FNDC3A: variants seen among roughly 807,000 people sequenced by gnomAD.
FNDC3A encodes fibronectin type III domain containing 3A, also known as fibronectin type-III domain-containing protein 3A.
A neutral mutation model predicts 148.9 loss-of-function variants in FNDC3A; 32 were observed. That is an observed-to-expected ratio of 0.21 (90% confidence interval 0.16 to 0.29). The LOEUF is 0.29. FNDC3A is among the 10% of genes least tolerant of loss of function. The pLI, the probability that FNDC3A is intolerant of heterozygous loss-of-function variation, is 1.00. For missense variants in FNDC3A, 1,191 were observed against 1,452.8 expected (o/e 0.82, Z 2.93); for synonymous variants, 472 against 473.6 (o/e 1.00, Z 0.04).
chr13:49,076,309 A>G (rs1233288033), intron 3 of FNDC3A, among the ~76,000 whole-genome samples: 1 of 151,920 alleles, frequency 6.6e-6, no homozygotes, highest in African/African-American at 2.4e-5. Context: ...CAGTGGCTCA[A>G]TCTTAGCTCA....
At chr13:49,008,074 G>T (rs557465407) in intron 2 of FNDC3A, among the ~76,000 whole-genome samples, 15 of 152,264 alleles carry the variant, frequency 9.9e-5, no homozygotes, top group Non-Finnish European at 1.9e-4. Flanking sequence ...AAATGAGCCT[G>T]AAGGAACTCA....
At chr13:49,036,821 T>A (rs1460837136) in intron 2 of FNDC3A, among the ~76,000 whole-genome samples, 1 of 152,224 alleles carries the variant, frequency 6.6e-6, no homozygotes, top group Non-Finnish European at 1.5e-5. Flanking sequence ...GAAGAAATTC[T>A]ATGTTCACAG....
chr13:49,060,795 A>G (rs947043194), intron 2 of FNDC3A, among the ~76,000 whole-genome samples: 4 of 152,126 alleles, frequency 2.6e-5, no homozygotes, highest in African/African-American at 4.8e-5. Context: ...AGGTAAATAC[A>G]TAGAGATAGA....
At chr13:49,166,143 T>C (rs116024755) in intron 8 of FNDC3A, among the ~76,000 whole-genome samples, 2,852 of 152,246 alleles carry the variant, frequency 0.019, 93 homozygotes, top group African/African-American at 0.064. Context: ...GCAGACCTGC[T>C]ATTAGGGAGG....
intron 8 of FNDC3A, among the ~76,000 whole-genome samples, chr13:49,160,845 A>G (rs556688958): frequency 1.3e-5 from 2 of 151,944 alleles, no homozygotes; most frequent in African/African-American, 4.8e-5. Context: ...GTTTCAAAAA[A>G]CATCTTTATT....
At chr13:49,160,012 C>T (rs1470411184) in intron 8 of FNDC3A, among the ~76,000 whole-genome samples, 4 of 152,142 alleles carry the variant, frequency 2.6e-5, no homozygotes, top group Admixed American at 6.5e-5. Flanking sequence ...CTGCTGGATT[C>T]GGTTTGCCAG....
At chr13:49,048,894 A>G (rs1420354093) in intron 2 of FNDC3A, among the ~76,000 whole-genome samples, 1 of 152,092 alleles carries the variant, frequency 6.6e-6, no homozygotes, top group Non-Finnish European at 1.5e-5. Context: ...GTCTCGTTCC[A>G]GTTCTCAGGG....
intron 2 of FNDC3A, among the ~76,000 whole-genome samples, chr13:49,056,405 G>T (rs1242376239): frequency 6.6e-6 from 1 of 152,036 alleles, no homozygotes; most frequent in African/African-American, 2.4e-5. Flanking sequence ...TGTTTTTGGT[G>T]TTGTACTATA....
chr13:49,199,403 C>T (rs1023514054), intron 23 of FNDC3A, among the ~76,000 whole-genome samples: 1 of 150,774 alleles, frequency 6.6e-6, no homozygotes, highest in Admixed American at 6.6e-5. Flanking sequence ...TCTCGGCTCA[C>T]TGCAATCTCC....
Position 49,201,840 on chromosome 13 carries a change from G to C in FNDC3A, c.3028G>C (p.Val1010Leu). ...CAGAGGACCATGTCATACATACAAAGTACAAAGACTTAATGAGTCAACATC... is the reference window on the plus strand; with the variant it reads ...CAGAGGACCATGTCATACATACAAACTACAAAGACTTAATGAGTCAACATC... ...LYRGPCHTYK[V>L]QRLNESTSYK... Residue 1010 changes from valine (V) to leucine (L), a missense_variant, in exon 24 of 26, where the codon GTA becomes CTA. Physicochemically the swap from Val to Leu is conservative, Grantham distance 32. Transcript: ENST00000492622. The C allele has an allele frequency of 6.3e-7, 1 of 1,582,706 alleles. No homozygotes were observed. The highest frequency in any genetic ancestry group is 8.6e-7 in the Non-Finnish European group (1 of 1,162,420).
chr13:49,025,792 A>T (rs955569386), intron 2 of FNDC3A, among the ~76,000 whole-genome samples: 1 of 152,206 alleles, frequency 6.6e-6, no homozygotes, highest in Non-Finnish European at 1.5e-5. Flanking sequence ...GGAACCTGAC[A>T]GTATAGTAAG....
rs752788136 is a variant in FNDC3A, at chr13:49,114,704, C to G, written c.225C>G (p.Ile75Met). 4.1e-5 allele frequency: 66 copies of G among 1,612,354 alleles called. No individual in the cohort carries two copies. The highest frequency in any genetic ancestry group is 5.3e-5 in the Non-Finnish European group (62 of 1,178,578). The change falls in exon 4 of 26, where the codon ATC (isoleucine) becomes ATG (methionine). Residue 75 changes from isoleucine (I) to methionine (M), a missense_variant. Around this residue, in one of 3 missense-constraint regions of FNDC3A, gnomAD observed 426 missense variants for 473.2 expected, o/e 0.90. Coordinates refer to ENST00000492622, the MANE Select transcript of FNDC3A (RefSeq NM_001079673.2). Reference sequence around the variant, plus strand: ...CCCCAAATGGTTCTGTGCCTCCTATCTATGTGCCTCCTGGATATGCCCCAC... The same window carrying G: ...CCCCAAATGGTTCTGTGCCTCCTATGTATGTGCCTCCTGGATATGCCCCAC... ...MMSPNGSVPP[I>M]YVPPGYAPQV...
In FNDC3A at chr13:49,098,366, G is replaced by A. The variant is rs1301664261; in HGVS notation, c.176-16289G>A. Reference sequence around the variant, plus strand: ...CACTGCCGTGTGATGTCAAAGTGTGGGTGTTCAGTTATTGAGGCATAGTTA... The same window carrying A: ...CACTGCCGTGTGATGTCAAAGTGTGAGTGTTCAGTTATTGAGGCATAGTTA... On this transcript the variant is annotated intron_variant, in intron 3 of 25. Transcript: ENST00000492622. Among the ~76,000 whole-genome samples the A allele has an allele frequency of 7.2e-5, 11 of 152,000 alleles. No homozygotes were observed. In the South Asian group the frequency reaches 1.9e-3, roughly 26 times the overall value.
Position 49,152,115 on chromosome 13 carries a change from T to C in FNDC3A, c.977+6180T>C, listed in dbSNP as rs941546369. On this transcript the variant is annotated intron_variant, in intron 8 of 25. Coordinates refer to ENST00000492622, the MANE Select transcript of FNDC3A (RefSeq NM_001079673.2). ...CCAGTATTGGGCTTGCTGGGTGAAA[T>C]GGTATTTCTAGTTCTAGATCCTTGA... Among the ~76,000 whole-genome samples the C allele has an allele frequency of 3.3e-5, 5 of 152,284 alleles. No homozygotes were observed. In the East Asian group the frequency reaches 5.8e-4, roughly 18 times the overall value.
chr13:49,197,809 G>A lies in FNDC3A; in HGVS notation c.2425G>A (p.Gly809Arg). ...AGGAAGTATGCAGATATGTTACTGT[G>A]GGCCTGGTCTCAGTTATGAAATAAA... is the stretch of plus-strand genomic sequence containing the variant. ...VEGSMQICYC[G>R]PGLSYEIKGL... The change falls in exon 21 of 26, where the codon GGG (glycine) becomes AGG (arginine). Residue 809 changes from glycine to arginine, a missense_variant. By Grantham distance (125) the Gly-to-Arg change is moderately radical. Transcript: ENST00000492622. The A allele has an allele frequency of 6.2e-7, 1 of 1,610,716 alleles. No homozygotes were observed. The highest frequency in any genetic ancestry group is 2.2e-5 in the East Asian group (1 of 44,862).
At chr13:49,017,936 C>G (rs1276710032) in intron 2 of FNDC3A, among the ~76,000 whole-genome samples, 1 of 152,196 alleles carries the variant, frequency 6.6e-6, no homozygotes, top group Non-Finnish European at 1.5e-5. Context: ...GGCCCCTACT[C>G]TCTTCTGGCT....
chr13:49,129,235 G>A (rs1369475836), intron 4 of FNDC3A, among the ~76,000 whole-genome samples: 1 of 152,222 alleles, frequency 6.6e-6, no homozygotes, highest in African/African-American at 2.4e-5. Context: ...GAAGCAAAGT[G>A]AAGAAGAATA....
In FNDC3A at chr13:49,150,283, C is replaced by T. The variant is rs1413152396; in HGVS notation, c.977+4348C>T. ...ACTGCACCTGGCTGTCTGCTCTGAT[C>T]TTTATTATTTCTTCCACTAATTTTG... On this transcript the variant is annotated intron_variant, in intron 8 of 25. Transcript: ENST00000492622. Among the ~76,000 whole-genome samples, 16 of 152,172 alleles carry T rather than the reference C, an allele frequency of 1.1e-4. No homozygotes were observed. The East Asian group carries it at 2.9e-3, about 28-fold the overall frequency.
At chr13:49,193,326 T>TC (rs1885984629) in intron 19 of FNDC3A, among the ~76,000 whole-genome samples, 1 of 152,180 alleles carries the variant, frequency 6.6e-6, no homozygotes, top group African/African-American at 2.4e-5. Context: ...AGGGGTATGA[T>TC]CATGGCTCAC....
Sources: allele counts gnomAD v4.1 joint callset (sites outside exome capture counted in the v4.1 genomes callset), GRCh38; gene constraint gnomAD v4.1.1; regional missense constraint gnomAD v4.1.1; transcripts MANE v1.5; gene names NCBI Gene and HGNC (gene_info 2026-07-23, HGNC 2026-07-21).